ELP4: variants seen among roughly 807,000 people sequenced by gnomAD.
ELP4 encodes elongator complex protein 4.
A neutral mutation model predicts 48.9 loss-of-function variants in ELP4; 51 were observed. That is an observed-to-expected ratio of 1.04 (90% CI 0.83 to 1.32). The LOEUF (loss-of-function observed/expected upper bound fraction) is 1.32. Among genes scored for constraint, ELP4 ranks in the 40% most tolerant of loss-of-function variants. The probability of loss-of-function intolerance (pLI) is 0.00; values close to 1 mark genes in which losing one functional copy is unlikely to be tolerated. For missense variants in ELP4, 519 were observed against 514.6 expected (o/e 1.01, Z -0.08); for synonymous variants, 210 against 189.2 (o/e 1.11, Z -0.90).
At chr11:31,575,521 T>C (rs1386803352) in intron 3 of ELP4, among the ~76,000 whole-genome samples, 3 of 151,670 alleles carry the variant, frequency 2.0e-5, no homozygotes, top group East Asian at 1.9e-4. Flanking sequence ...AAGGAAAAAA[T>C]GTTAAGGGCA....
intron 9 of ELP4, among the ~76,000 whole-genome samples, chr11:31,740,499 C>T (rs1237701208): frequency 6.6e-6 from 1 of 152,212 alleles, no homozygotes; most frequent in East Asian, 1.9e-4. Context: ...GTGTTTTATC[C>T]TGAATCATTT....
intron 7 of ELP4, chr11:31,646,560 T>A (rs1346857895): frequency 2.6e-5 from 4 of 151,898 alleles, no homozygotes; most frequent in Non-Finnish European, 5.9e-5. Context: ...TCAGTTGTAA[T>A]CATGTTCCCA....
Position 31,632,316 on chromosome 11 carries a change from A to G in ELP4, c.838A>G (p.Ser280Gly). The G allele has an allele frequency of 6.2e-7, 1 of 1,613,582 alleles. No homozygotes were observed. Among genetic ancestry groups the G allele is most frequent in the Non-Finnish European group, 8.5e-7 (1 of 1,179,700 alleles). Residue 280 changes from serine (S) to glycine (G), a missense_variant, in exon 7 of 10, where the codon AGC becomes GGC. Physicochemically the swap from Ser to Gly is moderately conservative, Grantham distance 56 (BLOSUM62 0). Transcript: ENST00000640961. Reference protein sequence around the residue: ...CCAENGGNSHSLTKFLYVLRG... With the variant: ...CCAENGGNSHGLTKFLYVLRG... ...TGCAGAAAATGGTGGCAACAGTCAC[A>G]GCCTTACCAAGTTCCTCTATGTTCT...
intron 3 of ELP4, among the ~76,000 whole-genome samples, chr11:31,563,969 GT>G (rs1957063828): frequency 6.6e-6 from 1 of 152,140 alleles, no homozygotes; most frequent in Non-Finnish European, 1.5e-5. Flanking sequence ...ATATTAAAGA[GT>G]TTTATGCCTA....
chr11:31,592,991 G>C (rs1380365076), intron 3 of ELP4, among the ~76,000 whole-genome samples: 2 of 152,088 alleles, frequency 1.3e-5, no homozygotes, highest in Non-Finnish European at 2.9e-5. Context: ...AGTAACCATT[G>C]TTACAACTAT....
intron 3 of ELP4, among the ~76,000 whole-genome samples, chr11:31,583,288 T>C (rs1365732000): frequency 1.3e-5 from 2 of 152,198 alleles, no homozygotes; most frequent in Admixed American, 6.5e-5. Context: ...TTATTCTCTA[T>C]TCTTTTCTGC....
chr11:31,666,953 G>A (rs2134099701), intron 9 of ELP4, among the ~76,000 whole-genome samples: 1 of 152,274 alleles, frequency 6.6e-6, no homozygotes. Context: ...AAATGTGTTA[G>A]TATGTGGAGG....
intron 2 of ELP4, among the ~76,000 whole-genome samples, chr11:31,535,835 G>A (rs886192445): frequency 6.6e-6 from 1 of 152,116 alleles, no homozygotes; most frequent in East Asian, 1.9e-4. Context: ...TGTAACTGCA[G>A]TTTTGCCATA....
At chr11:31,687,252 G>C (rs1381442364) in intron 9 of ELP4, among the ~76,000 whole-genome samples, 1 of 152,164 alleles carries the variant, frequency 6.6e-6, no homozygotes, top group Admixed American at 6.5e-5. Flanking sequence ...ATGATCCAGA[G>C]ATGTATATTT....
chr11:31,776,407 T>C (rs1214204106), intron 9 of ELP4, among the ~76,000 whole-genome samples: 2 of 152,208 alleles, frequency 1.3e-5, no homozygotes, highest in African/African-American at 4.8e-5. Flanking sequence ...ACTTAGTCGC[T>C]CAGCCTCTTC....
At chr11:31,609,366 CTTT>C (rs1271536140) in intron 5 of ELP4, among the ~76,000 whole-genome samples, 1 of 152,068 alleles carries the variant, frequency 6.6e-6, no homozygotes, top group Non-Finnish European at 1.5e-5. Flanking sequence ...CATCTTCAGG[CTTT>C]TTAAGTTTGC....
intron 9 of ELP4, among the ~76,000 whole-genome samples, chr11:31,735,912 A>G (rs1420112158): frequency 1.3e-5 from 2 of 152,216 alleles, no homozygotes; most frequent in Admixed American, 6.5e-5. Context: ...AAGGTAATTT[A>G]TAGATTCAAT....
chr11:31,750,884 C>A (rs1189187486), intron 9 of ELP4, among the ~76,000 whole-genome samples: 1 of 152,188 alleles, frequency 6.6e-6, no homozygotes, highest in Non-Finnish European at 1.5e-5. Context: ...TCACCTTTCC[C>A]TTCTCCAGCC....
At chr11:31,621,716 C>T (rs1223893088) in intron 5 of ELP4, among the ~76,000 whole-genome samples, 2 of 151,822 alleles carry the variant, frequency 1.3e-5, no homozygotes, top group South Asian at 2.1e-4. Context: ...TGGAGGCCTC[C>T]ATCAGTGCAA....
chr11:31,729,103 G>A (rs2134197704), intron 9 of ELP4, among the ~76,000 whole-genome samples: 1 of 152,164 alleles, frequency 6.6e-6, no homozygotes, highest in South Asian at 2.1e-4. Flanking sequence ...CCAAAAGAAA[G>A]GTTTTAAACT....
intron 9 of ELP4, among the ~76,000 whole-genome samples, chr11:31,691,102 A>G (rs1005110203): frequency 2.6e-5 from 4 of 152,066 alleles, no homozygotes; most frequent in African/African-American, 9.7e-5. Context: ...CTATTTTGTT[A>G]TGTACCTTAT....
chr11:31,771,953 G>A (rs1592297938), intron 9 of ELP4, among the ~76,000 whole-genome samples: 1 of 151,806 alleles, frequency 6.6e-6, no homozygotes, highest in East Asian at 2.0e-4. Flanking sequence ...CTGCACTCCA[G>A]CCTGGGCGAC....
chr11:31,726,465 G>T (rs997944775), intron 9 of ELP4, among the ~76,000 whole-genome samples: 2 of 152,142 alleles, frequency 1.3e-5, no homozygotes, highest in African/African-American at 2.4e-5. Context: ...GTGATTTTTG[G>T]TAACTAATCT....
At chr11:31,768,866 G>A (rs1013171605) in intron 9 of ELP4, among the ~76,000 whole-genome samples, 1 of 152,152 alleles carries the variant, frequency 6.6e-6, no homozygotes, top group Non-Finnish European at 1.5e-5. Context: ...CTGGGGGTGT[G>A]GGGGTAGGGA....
Sources: gnomAD v4.1 joint callset for allele counts (sites outside exome capture counted in the v4.1 genomes callset) on GRCh38, gnomAD v4.1.1 for gene constraint, MANE v1.5 for transcripts, NCBI Gene and HGNC (gene_info 2026-07-23, HGNC 2026-07-21) for gene names.